SPAG16: variants seen among roughly 807,000 people sequenced by gnomAD.
SPAG16 encodes sperm-associated antigen 16 protein.
A neutral mutation model predicts 80.4 loss-of-function variants in SPAG16; 86 were observed. The ratio of observed to expected loss-of-function variants is 1.07; its 90% CI spans 0.90 to 1.28. SPAG16 has a LOEUF of 1.28. Ranked by LOEUF, SPAG16 falls within the 50% of genes most tolerant of loss-of-function variation. SPAG16 has a pLI of 0.00. For missense variants in SPAG16, 870 were observed against 765.3 expected, an observed-to-expected ratio of 1.14 and a Z score of -1.61; for synonymous variants, 294 against 265.9, an observed-to-expected ratio of 1.11 and a Z score of -1.03.
chr2:213,544,360 C>T (rs1425386731), intron 10 of SPAG16, among the ~76,000 whole-genome samples: 1 of 151,896 alleles, frequency 6.6e-6, no homozygotes, highest in African/African-American at 2.4e-5. Context: ...TAAAAATATA[C>T]TTTAATTTTA....
intron 10 of SPAG16, among the ~76,000 whole-genome samples, chr2:213,610,789 G>A (rs1574486289): frequency 6.6e-6 from 1 of 152,106 alleles, no homozygotes; most frequent in Admixed American, 6.5e-5. Flanking sequence ...AAGGTCATGA[G>A]GAGATGTGCT....
intron 15 of SPAG16, among the ~76,000 whole-genome samples, chr2:214,401,278 A>G (rs941794187): frequency 1.3e-5 from 2 of 151,960 alleles, no homozygotes; most frequent in Admixed American, 6.6e-5. Context: ...AAATTAATCA[A>G]TAACACTCTC....
chr2:213,722,649 G>A (rs1169471203), intron 10 of SPAG16, among the ~76,000 whole-genome samples: 1 of 152,154 alleles, frequency 6.6e-6, no homozygotes, highest in Admixed American at 6.5e-5. Flanking sequence ...TCAGGATTAT[G>A]ATGCGGTTTA....
At chr2:213,376,814 T>C (rs1217230786) in intron 9 of SPAG16, among the ~76,000 whole-genome samples, 1 of 152,206 alleles carries the variant, frequency 6.6e-6, no homozygotes, top group Non-Finnish European at 1.5e-5. Context: ...TTTAAATGGA[T>C]TATGTTTAAG....
intron 10 of SPAG16, among the ~76,000 whole-genome samples, chr2:213,511,225 A>G (rs1016547109): frequency 7.9e-5 from 12 of 152,144 alleles, no homozygotes; most frequent in Admixed American, 1.3e-4. Context: ...TGACGTTATT[A>G]GCTTTTTATG....
Position 213,310,147 on chromosome 2 carries a change from C to T in SPAG16, c.368C>T (p.Thr123Ile). 4 of 1,609,738 alleles carry T rather than the reference C, an allele frequency of 2.5e-6. No homozygotes were observed. The highest frequency in any genetic ancestry group is 3.4e-6 in the Non-Finnish European group (4 of 1,176,988). The change falls in exon 4 of 16, where the codon ACC (threonine) becomes ATC (isoleucine). Residue 123 changes from threonine (T) to isoleucine (I), a missense_variant. Physicochemically the swap from Thr to Ile is moderately conservative, Grantham distance 89. Coordinates refer to ENST00000331683, the MANE Select transcript of SPAG16 (RefSeq NM_024532.5). ...LCNFLIKMGMTRTLDCFQSEW... is the reference protein window; with the variant it reads ...LCNFLIKMGMIRTLDCFQSEW... The stretch of plus-strand genomic sequence containing the variant: ...AATTTCTTGATCAAAATGGGAATGA[C>T]CAGAACTCTTGATTGCTTTCAGTCT...
At chr2:214,089,579 G>C (rs375483234) in intron 13 of SPAG16, among the ~76,000 whole-genome samples, 16 of 151,796 alleles carry the variant, frequency 1.1e-4, no homozygotes, top group African/African-American at 3.6e-4. Flanking sequence ...ATCTCTCACC[G>C]ATGATCTACA....
chr2:214,293,615 TTA>T (rs1228402059), intron 15 of SPAG16, among the ~76,000 whole-genome samples: 1 of 152,208 alleles, frequency 6.6e-6, no homozygotes, highest in African/African-American at 2.4e-5. Context: ...AGTGGCTGTG[TTA>T]TGAGTCTGCT....
At chr2:213,535,690 G>A (rs937645143) in intron 10 of SPAG16, among the ~76,000 whole-genome samples, 36 of 152,186 alleles carry the variant, frequency 2.4e-4, no homozygotes, top group African/African-American at 8.4e-4. Context: ...TAACATTTAT[G>A]AGTGCAGGTA....
At chr2:214,023,591 T>C (rs2047993173) in intron 13 of SPAG16, among the ~76,000 whole-genome samples, 1 of 151,800 alleles carries the variant, frequency 6.6e-6, no homozygotes, top group African/African-American at 2.4e-5. Flanking sequence ...AATAATCCAA[T>C]TGTTTGAAAA....
intron 10 of SPAG16, among the ~76,000 whole-genome samples, chr2:213,768,121 A>C (rs2069040389): frequency 6.6e-6 from 1 of 152,156 alleles, no homozygotes. Context: ...AGTGAAGAGG[A>C]AAGAACATGG....
chr2:213,808,989 G>A (rs2071951155), intron 10 of SPAG16, among the ~76,000 whole-genome samples: 1 of 152,140 alleles, frequency 6.6e-6, no homozygotes, highest in Non-Finnish European at 1.5e-5. Flanking sequence ...TGGCATGACT[G>A]GGATCAGCAA....
rs1379712319 is a variant in SPAG16 at position 213,615,704 on chromosome 2, G to C, written c.1070+125614G>C. Among the ~76,000 whole-genome samples, 5 of 152,210 alleles carry C rather than the reference G, an allele frequency of 3.3e-5. No homozygotes were observed. In the East Asian group the frequency reaches 9.6e-4, roughly 29 times the overall value. The stretch of plus-strand genomic sequence containing the variant: ...TGATAACTTTAGCCAAATGTTTATT[G>C]TGTTGTGTTATTTAACGTTAGATAA... On this transcript the variant is annotated intron_variant, in intron 10 of 15. Transcript: ENST00000331683.
At chr2:214,406,506 G>A (rs1360025542) in intron 15 of SPAG16, among the ~76,000 whole-genome samples, 1 of 152,004 alleles carries the variant, frequency 6.6e-6, no homozygotes, top group East Asian at 1.9e-4. Context: ...AAATTAGTAA[G>A]TATATTCAAA....
At chr2:214,349,246 A>T (rs945759200) in intron 15 of SPAG16, among the ~76,000 whole-genome samples, 1 of 152,234 alleles carries the variant, frequency 6.6e-6, no homozygotes, top group African/African-American at 2.4e-5. Context: ...AATGTGAAAA[A>T]AGAAGGAATG....
chr2:213,540,222 T>G (rs928216625), intron 10 of SPAG16, among the ~76,000 whole-genome samples: 19 of 151,564 alleles, frequency 1.3e-4, no homozygotes, highest in African/African-American at 4.4e-4. Flanking sequence ...TTTATTTTTT[T>G]TGTATTTTTA....
intron 10 of SPAG16, among the ~76,000 whole-genome samples, chr2:213,835,255 A>T (rs1351066901): frequency 2.0e-5 from 3 of 152,146 alleles, no homozygotes; most frequent in African/African-American, 7.2e-5. Flanking sequence ...CCTCTCTTGT[A>T]TCCATGTTCG....
chr2:213,485,787 G>A (rs1396189301), intron 9 of SPAG16, among the ~76,000 whole-genome samples: 1 of 151,982 alleles, frequency 6.6e-6, no homozygotes, highest in Non-Finnish European at 1.5e-5. Context: ...ACAAGATAGG[G>A]AAGCAGACCT....
chr2:214,261,002 G>A (rs759963720), intron 15 of SPAG16, among the ~76,000 whole-genome samples: 28 of 151,408 alleles, frequency 1.8e-4, no homozygotes, highest in South Asian at 4.2e-4. Context: ...AGCTACTCAG[G>A]AGGCTGAGGC....
Sources: allele counts gnomAD v4.1 joint callset (sites outside exome capture counted in the v4.1 genomes callset), GRCh38; gene constraint gnomAD v4.1.1; transcripts MANE v1.5; gene names NCBI Gene and HGNC (gene_info 2026-07-23, HGNC 2026-07-21).